LCTL: variants seen among roughly 807,000 people sequenced by gnomAD.
LCTL encodes lactase-like protein.
A neutral mutation model predicts 75.8 loss-of-function variants in LCTL; 76 were observed. The observed-to-expected ratio is 1.00, with a 90% CI of 0.83 to 1.21. The LOEUF (loss-of-function observed/expected upper bound fraction) is 1.21, where lower values mean the gene tolerates loss of function less well. LCTL is among the 50% of genes most tolerant of loss of function. The probability of loss-of-function intolerance (pLI) is 0.00; values close to 1 mark genes in which losing one functional copy is unlikely to be tolerated. For synonymous variants in LCTL, 271 were observed against 268.8 expected, an observed-to-expected ratio of 1.01 and a Z score of -0.08; for missense variants, 670 against 712.4, an observed-to-expected ratio of 0.94 and a Z score of 0.68.
In LCTL at chr15:66,553,306, A is replaced by G. The variant is rs551338263; in HGVS notation, c.923-48T>C. The stretch of plus-strand genomic sequence containing the variant: ...TTTAACAAAGCCTTATTTTCTCCCA[A>G]TCACTGTGTTATGTATCATGACGAT... On this transcript the variant is annotated intron_variant, in intron 8 of 12. Coordinates refer to ENST00000341509, the Ensembl canonical transcript of LCTL. 6 of 1,450,014 alleles carry G rather than the reference A, an allele frequency of 4.1e-6. No homozygotes were observed. The East Asian group carries it at 7.2e-5, about 17-fold the overall frequency. The allele number at this position is 1,450,014 out of a possible 1,614,324, so 89.8% of individuals were successfully genotyped here.
exon 1 of LCTL, chr15:66,565,481 A>G: frequency 1.6e-6 from 1 of 644,546 alleles, no homozygotes; most frequent in Non-Finnish European, 2.7e-6. Flanking sequence ...GAGGAAGGGA[A>G]AGGAAGGCGC....
intron 8 of LCTL, among the ~76,000 whole-genome samples, chr15:66,553,705 A>G (rs2140837953): frequency 6.6e-6 from 1 of 151,386 alleles, no homozygotes; most frequent in Non-Finnish European, 1.5e-5. Flanking sequence ...CAGTGAGCCA[A>G]GATCGTGCCA....
chr15:66,547,961 A>G (rs575145300), exon 13 of LCTL: 5 of 151,964 alleles, frequency 3.3e-5, no homozygotes, highest in African/African-American at 1.2e-4. Context: ...TAGTTTCTAT[A>G]TTTTTAGTAG....
intron 11 of LCTL, among the ~76,000 whole-genome samples, chr15:66,551,045 T>C (rs938051472): frequency 4.6e-5 from 7 of 151,974 alleles, no homozygotes; most frequent in African/African-American, 1.7e-4. Flanking sequence ...TAGTATTTGT[T>C]TGCATTAAGA....
At position 66,547,726 on chromosome 15, in the gene LCTL, C is replaced by A. The variant is rs569479821; in HGVS notation, c.*764G>T. 5 of 152,242 alleles carry A rather than the reference C, an allele frequency of 3.3e-5. No homozygotes were observed. In the South Asian group the frequency reaches 1.0e-3, roughly 32 times the overall value. The allele number at this position is 152,242 out of a possible 1,614,324, so 9.4% of individuals were successfully genotyped here. On this transcript the variant is annotated 3_prime_UTR_variant, in exon 13 of 13. Transcript: ENST00000341509. ...GTGCTCATTTACTTGGTACCCACTT[C>A]ATGCTTTTCTGTGGTTGGCTAATAA...
rs143621593 is a variant in LCTL, at chr15:66,565,293, C to G, written c.73G>C (p.Gly25Arg). ...TAGAAGGAGGCCTCTTCTGGGGACC[C>G]CTTCCGGGCGGCCCCCAGCCTGGGC... Residue 25 changes from glycine to arginine, a missense_variant, in exon 1 of 13, where the codon GGG becomes CGG. Gly to Arg is a moderately radical substitution (Grantham distance 125, BLOSUM62 -2). Coordinates refer to ENST00000341509, the Ensembl canonical transcript of LCTL. The G allele has an allele frequency of 9.9e-6, 16 of 1,613,644 alleles. No homozygotes were observed. In the African/African-American group the frequency reaches 1.5e-4, roughly 15 times the overall value.
exon 1 of LCTL, chr15:66,565,310 A>T (rs749255553): frequency 3.1e-6 from 5 of 1,613,760 alleles, no homozygotes; most frequent in African/African-American, 2.7e-5. Flanking sequence ...GGCGGCCCCC[A>T]GCCTGGGCAC....
At chr15:66,555,832 C>T (rs1895727473) in intron 8 of LCTL, among the ~76,000 whole-genome samples, 1 of 152,096 alleles carries the variant, frequency 6.6e-6, no homozygotes, top group Admixed American at 6.6e-5. Context: ...CAAAAACAAC[C>T]CAATTCAAAA....
chr15:66,563,371 T>G (rs1595711471), intron 4 of LCTL, 145 bp downstream of exon 5: 1 of 557,112 alleles, frequency 1.8e-6, no homozygotes, highest in East Asian at 2.9e-5. Flanking sequence ...TCAGAGAGAT[T>G]TTTTCACTCA....
At chr15:66,564,587 C>A in intron 2 of LCTL, 89 bp downstream of exon 3, 1 of 1,445,442 alleles carries the variant, frequency 6.9e-7, no homozygotes, top group South Asian at 1.3e-5. Context: ...AGAGCTCCCC[C>A]AAACGTCACT....
At chr15:66,550,241 G>A (rs1001848196) in intron 11 of LCTL, 137 bp from the exon 13 acceptor site, 3 of 597,464 alleles carry the variant, frequency 5.0e-6, no homozygotes, top group Non-Finnish European at 8.9e-6. Flanking sequence ...AAATCATTTT[G>A]TAGTTTAAAT....
Position 66,551,720 on chromosome 15 carries a change from G to C in LCTL, c.1466C>G (p.Ala489Gly), listed in dbSNP as rs201642911. 5.0e-6 allele frequency: 8 copies of C among 1,613,954 alleles called. No individual in the cohort carries two copies. In the Admixed American group the frequency reaches 1.3e-4, roughly 27 times the overall value. ...AATCTTCTTGTAATATTGAACTGAA[G>C]CCTTTGGATAGCGAGGCTTATTTCT... The change falls in exon 11 of 13, where the codon GCT (alanine) becomes GGT (glycine). Residue 489 changes from alanine to glycine, a missense_variant. Transcript: ENST00000341509.
intron 8 of LCTL, among the ~76,000 whole-genome samples, chr15:66,557,172 A>C (rs1895759818): frequency 6.6e-6 from 1 of 152,154 alleles, no homozygotes; most frequent in East Asian, 1.9e-4. Flanking sequence ...CTAGCCCTGC[A>C]TCACCCTTCC....
exon 8 of LCTL, chr15:66,557,747 G>A (rs973280289): frequency 1.2e-6 from 2 of 1,614,082 alleles, no homozygotes; most frequent in African/African-American, 1.3e-5. Flanking sequence ...TGACTTGGGG[G>A]TAGTCACCGG....
chr15:66,564,213 C>A, intron 2 of LCTL: 2 of 582,844 alleles, frequency 3.4e-6, no homozygotes, highest in Non-Finnish European at 3.1e-6. Context: ...CAGGGAGGCA[C>A]TGAGAGAAGT....
chr15:66,554,907 A>T (rs1376325664), intron 8 of LCTL, among the ~76,000 whole-genome samples: 1 of 152,164 alleles, frequency 6.6e-6, no homozygotes, highest in Non-Finnish European at 1.5e-5. Context: ...GCTTCTGGGG[A>T]GGGAGAGAGA....
At chr15:66,551,227 A>G (rs1895585780) in intron 11 of LCTL, among the ~76,000 whole-genome samples, 1 of 151,124 alleles carries the variant, frequency 6.6e-6, no homozygotes, top group Non-Finnish European at 1.5e-5. Context: ...TGCCCCTGTA[A>G]TCCCAGCTAC....
intron 6 of LCTL, among the ~76,000 whole-genome samples, chr15:66,560,193 G>A (rs1468219118): frequency 2.0e-5 from 3 of 152,092 alleles, no homozygotes; most frequent in African/African-American, 4.8e-5. Context: ...TATGAGTTTG[G>A]GGATCTGGAA....
intron 11 of LCTL, among the ~76,000 whole-genome samples, chr15:66,550,587 C>T (rs1027168610): frequency 6.6e-6 from 1 of 151,914 alleles, no homozygotes; most frequent in African/African-American, 2.4e-5. Context: ...CTCAAGTGAT[C>T]CTCACACCTC....
Sources: allele counts gnomAD v4.1 joint callset (sites outside exome capture counted in the v4.1 genomes callset), GRCh38; gene constraint gnomAD v4.1.1; transcripts MANE v1.5; gene names NCBI Gene and HGNC (gene_info 2026-07-23, HGNC 2026-07-21).